The following ATG7 variants were observed in gnomAD, a reference collection of about 807,000 sequenced individuals.
ATG7 encodes ubiquitin-like modifier-activating enzyme ATG7.
A neutral mutation model predicts 82.4 loss-of-function variants in ATG7; 70 were observed. The observed-to-expected ratio is 0.85, with a 90% confidence interval of 0.70 to 1.04. The LOEUF is 1.04. ATG7 is among the 50% of genes least tolerant of loss of function. The pLI is 0.00. For synonymous variants in ATG7, 287 were observed against 313.0 expected (o/e 0.92, Z 0.88); for missense variants, 792 against 864.3 (o/e 0.92, Z 1.05).
chr3:11,524,488 G>A (rs2092522910), intron 20 of ATG7, among the ~76,000 whole-genome samples: 1 of 152,204 alleles, frequency 6.6e-6, no homozygotes, highest in African/African-American at 2.4e-5. Context: ...ACCAGGCACA[G>A]TGACTCATAC....
At chr3:11,397,520 C>T (rs565404594) in intron 19 of ATG7, among the ~76,000 whole-genome samples, 13 of 152,044 alleles carry the variant, frequency 8.6e-5, no homozygotes, top group South Asian at 6.2e-4. Flanking sequence ...TGCAGTGGTA[C>T]GATCTTGGGT....
At chr3:11,504,349 A>T (rs1469224088) in intron 20 of ATG7, among the ~76,000 whole-genome samples, 1 of 152,250 alleles carries the variant, frequency 6.6e-6, no homozygotes, top group African/African-American at 2.4e-5. Flanking sequence ...GATACACAAG[A>T]TCAGATAAAC....
chr3:11,341,691 G>A lies in ATG7; in HGVS notation c.981-444G>A, dbSNP rs147608739. On this transcript the variant is annotated intron_variant, in intron 12 of 20. Coordinates refer to ENST00000693202, the MANE Select transcript of ATG7 (RefSeq NM_001349232.2). Reference sequence around the variant, plus strand: ...TCGAACTCCTGACCTCAGGTGATCCGCCCGCTTTGGCCTCCCAAAGCGCTA... The same window carrying A: ...TCGAACTCCTGACCTCAGGTGATCCACCCGCTTTGGCCTCCCAAAGCGCTA... Among the ~76,000 whole-genome samples, 572 of 152,092 alleles carry A rather than the reference G, an allele frequency of 3.8e-3. 3 individuals are homozygous for A. Among genetic ancestry groups the A allele is most frequent in the African/African-American group, 0.012 (503 of 41,504 alleles).
the ATG7 span, chr3:11,564,986 G>C: frequency 2.6e-6 from 4 of 1,527,026 alleles, no homozygotes; most frequent in Non-Finnish European, 3.5e-6. Context: ...GCTCCCGGGG[G>C]TCTCTGCGGC....
chr3:11,565,872 C>T, the ATG7 span, among the ~76,000 whole-genome samples: 1 of 152,230 alleles, frequency 6.6e-6, no homozygotes, highest in Non-Finnish European at 1.5e-5. The surrounding 1 kb of genome is among the most constrained non-coding windows in gnomAD (Gnocchi z 4.1). Flanking sequence ...GTCCACCCTC[C>T]CTGCTTTATT....
intron 20 of ATG7, among the ~76,000 whole-genome samples, chr3:11,484,067 T>G (rs1048092751): frequency 6.6e-5 from 10 of 152,202 alleles, no homozygotes; most frequent in Non-Finnish European, 1.0e-4. Flanking sequence ...AAGGATAGTT[T>G]GCAGCCTAAG....
intron 16 of ATG7, 69 bp from the exon 17 acceptor site, chr3:11,362,744 C>A: frequency 1.5e-6 from 2 of 1,301,474 alleles, no homozygotes; most frequent in Non-Finnish European, 2.2e-6. Flanking sequence ...CAGAGGATTT[C>A]ATACTTGAGA....
At position 11,416,521 on chromosome 3, in the gene ATG7, C is replaced by T. The variant is rs551233985; in HGVS notation, c.1957-10283C>T. ...GTTGTTGATAGTATTCTTTTATTAT[C>T]CTTTTCATCAATACAGATCTCATAG... On this transcript the variant is annotated intron_variant, in intron 19 of 20. Coordinates refer to ENST00000693202, the MANE Select transcript of ATG7 (RefSeq NM_001349232.2). Among the ~76,000 whole-genome samples the T allele has an allele frequency of 2.6e-5, 4 of 151,850 alleles. No individual in the cohort carries two copies. In the East Asian group the frequency reaches 7.7e-4, roughly 29 times the overall value.
chr3:11,554,111 G>T (rs61275424), intron 20 of ATG7, among the ~76,000 whole-genome samples: 3 of 152,122 alleles, frequency 2.0e-5, no homozygotes, highest in African/African-American at 7.2e-5. Flanking sequence ...GTGTCGGCCA[G>T]GGTGGCTCTT....
downstream of ATG7, among the ~76,000 whole-genome samples, chr3:11,562,205 G>A (rs1198633362): frequency 6.6e-6 from 1 of 152,024 alleles, no homozygotes; most frequent in Non-Finnish European, 1.5e-5. Context: ...CCCTCAATGT[G>A]CGAAGCTTAA....
At chr3:11,408,970 C>G (rs1037844856) in intron 19 of ATG7, among the ~76,000 whole-genome samples, 3 of 152,132 alleles carry the variant, frequency 2.0e-5, no homozygotes, top group African/African-American at 7.2e-5. Context: ...CTGTTAAGAT[C>G]TTTGGCTCAT....
intron 20 of ATG7, among the ~76,000 whole-genome samples, chr3:11,512,800 GC>G (rs2092122623): frequency 6.6e-6 from 1 of 152,212 alleles, no homozygotes; most frequent in African/African-American, 2.4e-5. Context: ...GCTGGCTCGG[GC>G]AGCCTGCTTT....
chr3:11,454,027 T>C (rs1278200284), intron 20 of ATG7, among the ~76,000 whole-genome samples: 1 of 152,258 alleles, frequency 6.6e-6, no homozygotes, highest in East Asian at 1.9e-4. Context: ...TCAATCTTGC[T>C]AAACTGAGCT....
intron 9 of ATG7, among the ~76,000 whole-genome samples, chr3:11,327,176 A>G (rs1951002265): frequency 6.6e-6 from 1 of 152,210 alleles, no homozygotes; most frequent in African/African-American, 2.4e-5. Flanking sequence ...GTAACTAGAG[A>G]TGGAAAGATG....
intron 19 of ATG7, among the ~76,000 whole-genome samples, chr3:11,404,665 A>G (rs753346251): frequency 2.6e-5 from 4 of 151,984 alleles, no homozygotes; most frequent in African/African-American, 9.7e-5. Flanking sequence ...GAGACTGGGT[A>G]ATTTATAAGG....
In ATG7 at chr3:11,351,864, T is replaced by A. The variant is rs1038578096; in HGVS notation, c.1284+3829T>A. On this transcript the variant is annotated intron_variant, in intron 14 of 20. Transcript: ENST00000693202. ...TTAGTATAGTTTCTTTTTTTTTTTT[T>A]ATTATACTTTAAGTTCTAGGGTACA... Among the ~76,000 whole-genome samples the A allele has an allele frequency of 2.0e-5, 3 of 148,944 alleles. No individual in the cohort carries two copies. The South Asian group carries it at 6.3e-4, about 31-fold the overall frequency.
chr3:11,322,802 C>T (rs576975124), intron 9 of ATG7, among the ~76,000 whole-genome samples: 22 of 152,240 alleles, frequency 1.4e-4, no homozygotes, highest in African/African-American at 5.1e-4. Flanking sequence ...GGAATTACTG[C>T]GTTACAGAGT....
chr3:11,575,019 T>C, the ATG7 span, among the ~76,000 whole-genome samples: 1 of 152,140 alleles, frequency 6.6e-6, no homozygotes, highest in African/African-American at 2.4e-5. Context: ...GATCTTTTCA[T>C]TACTCCTGCA....
rs936286823 is a variant in ATG7, at chr3:11,555,922, G to A, written c.*1079G>A. 4 of 152,560 alleles carry A rather than the reference G, an allele frequency of 2.6e-5. No individual in the cohort carries two copies. The highest frequency in any genetic ancestry group is 2.6e-4 in the Admixed American group (4 of 15,284). The allele number at this position is 152,560 out of a possible 1,614,324, so 9.5% of individuals were successfully genotyped here. On this transcript the variant is annotated 3_prime_UTR_variant, in exon 21 of 21. Coordinates refer to ENST00000693202, the MANE Select transcript of ATG7 (RefSeq NM_001349232.2). The stretch of plus-strand genomic sequence containing the variant: ...GGATTTAGTAGGGTAGATTTCAAAT[G>A]AGGCTTCGCTTCTCCCAAAGTAGCC...
Sources: allele counts gnomAD v4.1 joint callset (sites outside exome capture counted in the v4.1 genomes callset), GRCh38; gene constraint gnomAD v4.1.1; non-coding constraint Gnocchi (gnomAD v3.1); transcripts MANE v1.5; gene names NCBI Gene and HGNC (gene_info 2026-07-23, HGNC 2026-07-21).